CAMK2D: variants seen among roughly 807,000 people sequenced by gnomAD.
CAMK2D encodes the protein calcium/calmodulin-dependent protein kinase type II subunit delta.
A neutral mutation model predicts 84.0 loss-of-function variants in CAMK2D; 37 were observed. The observed-to-expected ratio is 0.44, with a 90% CI of 0.34 to 0.58. CAMK2D has a LOEUF of 0.58. CAMK2D is among the 20% of genes least tolerant of loss of function. The probability of loss-of-function intolerance (pLI) is 0.02; values close to 1 mark genes in which losing one functional copy is unlikely to be tolerated. For missense variants in CAMK2D, 448 were observed against 652.5 expected, an observed-to-expected ratio of 0.69 and a Z score of 3.41; for synonymous variants, 202 against 212.5, an observed-to-expected ratio of 0.95 and a Z score of 0.43.
In CAMK2D at chr4:113,504,605, G is replaced by A. The variant is rs75265560; in HGVS notation, c.1044+371C>T. 5.2e-3 allele frequency among the ~76,000 whole-genome samples: 789 copies of A among 152,212 alleles called. 7 individuals carry two copies. The highest frequency in any genetic ancestry group is 0.018 in the African/African-American group (736 of 41,534). On this transcript the variant is annotated intron_variant, in intron 14 of 20. Transcript: ENST00000511664. ...GTAAGCATTTGCATCATGAAAAGAAGAAACCATTGTTTGCATAATCTAGAA... is the reference window on the plus strand; with the variant it reads ...GTAAGCATTTGCATCATGAAAAGAAAAAACCATTGTTTGCATAATCTAGAA...
rs540727868 is a variant in CAMK2D at position 113,548,472 on chromosome 4, T to C, written c.342-756A>G. ...TAGTATTCTTCCCTTTTTGCTATGA[T>C]GTATATTTAGCCTGTAGATGAGCAA... On this transcript the variant is annotated intron_variant, in intron 5 of 20. Coordinates refer to ENST00000511664, the MANE Select transcript of CAMK2D (RefSeq NM_001321571.2). 3.9e-5 allele frequency among the ~76,000 whole-genome samples: 6 copies of C among 152,348 alleles called. No homozygotes were observed. The East Asian group carries it at 1.2e-3, about 29-fold the overall frequency.
chr4:113,512,407 T>C (rs2098226995), intron 12 of CAMK2D, among the ~76,000 whole-genome samples: 1 of 152,238 alleles, frequency 6.6e-6, no homozygotes, highest in African/African-American at 2.4e-5. Context: ...TGGAATCATT[T>C]TGAGGGACAT....
At chr4:113,500,165 TTTG>T (rs1216349552) in intron 16 of CAMK2D, among the ~76,000 whole-genome samples, 1 of 152,162 alleles carries the variant, frequency 6.6e-6, no homozygotes, top group African/African-American at 2.4e-5. Context: ...AAATTTACAA[TTTG>T]TTATGTTCCT....
intron 17 of CAMK2D, 22 bp downstream of exon 17, chr4:113,465,507 A>T: frequency 6.7e-7 from 1 of 1,482,546 alleles, no homozygotes; most frequent in Non-Finnish European, 9.4e-7. Flanking sequence ...GCATGAAAGC[A>T]AAGTAAACGT....
chr4:113,533,606 C>T (rs2154184908), intron 7 of CAMK2D, among the ~76,000 whole-genome samples: 1 of 151,138 alleles, frequency 6.6e-6, no homozygotes, highest in Middle Eastern at 3.4e-3. Flanking sequence ...AAAAAAGAGA[C>T]ATAACAGCAA....
chr4:113,658,059 C>A (rs962229707), intron 3 of CAMK2D, among the ~76,000 whole-genome samples: 9 of 152,062 alleles, frequency 5.9e-5, no homozygotes, highest in Non-Finnish European at 1.2e-4. Flanking sequence ...TTAACTAGTG[C>A]GATGATCGAC....
chr4:113,490,134 C>T (rs879486563), intron 16 of CAMK2D, among the ~76,000 whole-genome samples: 1 of 146,854 alleles, frequency 6.8e-6, no homozygotes, highest in Admixed American at 6.8e-5. Flanking sequence ...TGTGCAGAAG[C>T]TCTTTAGTTT....
At chr4:113,528,205 A>C (rs1260816012) in intron 8 of CAMK2D, among the ~76,000 whole-genome samples, 1 of 152,142 alleles carries the variant, frequency 6.6e-6, no homozygotes, top group Non-Finnish European at 1.5e-5. Flanking sequence ...TTATCTAGAA[A>C]CTTCATTTAT....
intron 16 of CAMK2D, among the ~76,000 whole-genome samples, chr4:113,487,349 T>C (rs1262050606): frequency 6.6e-6 from 1 of 152,084 alleles, no homozygotes; most frequent in Non-Finnish European, 1.5e-5. Flanking sequence ...AATCATGATA[T>C]AGACATATAA....
intron 2 of CAMK2D, among the ~76,000 whole-genome samples, chr4:113,685,274 T>G (rs2099356593): frequency 6.6e-6 from 1 of 151,352 alleles, no homozygotes; most frequent in African/African-American, 2.4e-5. Context: ...GGTCTTACTC[T>G]GTCACCCAGG....
chr4:113,463,516 ACAGGCATGGAC>A (rs1389245489), intron 17 of CAMK2D, among the ~76,000 whole-genome samples: 3 of 152,138 alleles, frequency 2.0e-5, no homozygotes, highest in Non-Finnish European at 2.9e-5. Context: ...AGCTGGGATT[ACAGGCATGGAC>A]CACCACACCT....
chr4:113,678,110 T>C (rs952169073), intron 2 of CAMK2D, among the ~76,000 whole-genome samples: 6 of 152,296 alleles, frequency 3.9e-5, no homozygotes, highest in Non-Finnish European at 7.4e-5. Flanking sequence ...ACCCTTTTTG[T>C]AAGAGTTGTC....
chr4:113,647,211 T>C (rs1198206923), intron 3 of CAMK2D, among the ~76,000 whole-genome samples: 2 of 152,240 alleles, frequency 1.3e-5, no homozygotes, highest in East Asian at 3.8e-4. Flanking sequence ...AAATCTGTTC[T>C]GATGAATAGA....
At chr4:113,679,377 C>T (rs1275943821) in intron 2 of CAMK2D, 7 of 657,144 alleles carry the variant, frequency 1.1e-5, no homozygotes, top group African/African-American at 2.0e-5. Context: ...TCTACTAACA[C>T]ATGCGGTTGT....
chr4:113,538,457 G>A (rs1195046836), intron 6 of CAMK2D, among the ~76,000 whole-genome samples: 1 of 152,128 alleles, frequency 6.6e-6, no homozygotes, highest in East Asian at 1.9e-4. Flanking sequence ...GGGTTAGAAT[G>A]TATATGGGAG....
At chr4:113,556,009 G>C (rs745366422) in intron 4 of CAMK2D, among the ~76,000 whole-genome samples, 1 of 152,100 alleles carries the variant, frequency 6.6e-6, no homozygotes, top group African/African-American at 2.4e-5. Flanking sequence ...ACGCTGGCAC[G>C]CTGATACGCT....
chr4:113,760,452 CT>C (rs1411752197), intron 1 of CAMK2D, among the ~76,000 whole-genome samples: 1 of 152,096 alleles, frequency 6.6e-6, no homozygotes, highest in Non-Finnish European at 1.5e-5. Context: ...TTGGGTGGCC[CT>C]TTTCCTGGAC....
At chr4:113,758,042 A>AAGCACTGAAAGATTCT in intron 2 of CAMK2D, among the ~76,000 whole-genome samples, 1 of 152,296 alleles carries the variant, frequency 6.6e-6, no homozygotes, top group East Asian at 1.9e-4. Flanking sequence ...AAAATAAGAG[A>AAGCACTGAAAGATTCT]AGCACTGAAA....
Position 113,721,005 on chromosome 4 carries a change from G to A in CAMK2D, c.160+38315C>T, listed in dbSNP as rs1017168661. Among the ~76,000 whole-genome samples the A allele has an allele frequency of 9.9e-5, 15 of 152,088 alleles. No individual in the cohort carries two copies. The East Asian group carries it at 2.9e-3, about 29-fold the overall frequency. Reference sequence around the variant, plus strand: ...GGTTTACATATGCAAGGATAAACAGGCTGAAATACACATAAAAAACTTCAT... The same window carrying A: ...GGTTTACATATGCAAGGATAAACAGACTGAAATACACATAAAAAACTTCAT... On this transcript the variant is annotated intron_variant, in intron 2 of 20. Coordinates refer to ENST00000511664, the MANE Select transcript of CAMK2D (RefSeq NM_001321571.2).
Sources: gnomAD v4.1 joint callset for allele counts (sites outside exome capture counted in the v4.1 genomes callset) on GRCh38, gnomAD v4.1.1 for gene constraint, MANE v1.5 for transcripts, NCBI Gene and HGNC (gene_info 2026-07-23, HGNC 2026-07-21) for gene names.